PRKN: variants seen among roughly 807,000 people sequenced by gnomAD.
PRKN encodes parkin RBR E3 ubiquitin protein ligase, also known as E3 ubiquitin-protein ligase parkin.
In PRKN, 56 loss-of-function variants were observed where a neutral mutation model predicts 59.5. The observed-to-expected ratio is 0.94, with a 90% CI of 0.76 to 1.18. The LOEUF (loss-of-function observed/expected upper bound fraction) is 1.18, where lower values mean the gene tolerates loss of function less well. PRKN is among the 50% of genes most tolerant of loss of function. PRKN has a pLI of 0.00. For synonymous variants in PRKN, 250 were observed against 222.1 expected (o/e 1.13, Z -1.12); for missense variants, 657 against 596.4 (o/e 1.10, Z -1.06).
intron 4 of PRKN, among the ~76,000 whole-genome samples, chr6:162,148,616 A>ACAAACAAG (rs1782130031): frequency 6.6e-6 from 1 of 151,848 alleles, no homozygotes; most frequent in Non-Finnish European, 1.5e-5. Flanking sequence ...AAACAAACAA[A>ACAAACAAG]CAGTGACCAC....
intron 2 of PRKN, among the ~76,000 whole-genome samples, chr6:162,392,440 A>G (rs2128145384): frequency 6.6e-6 from 1 of 152,170 alleles, no homozygotes; most frequent in African/African-American, 2.4e-5. Context: ...GCCTGCTCTC[A>G]CTTGCCTTCC....
intron 6 of PRKN, among the ~76,000 whole-genome samples, chr6:161,965,642 G>T (rs572205580): frequency 6.6e-6 from 1 of 152,146 alleles, no homozygotes; most frequent in African/African-American, 2.4e-5. Flanking sequence ...GCACAGCTTG[G>T]TTTTATACAT....
Position 162,666,952 on chromosome 6 carries a change from C to T in PRKN, c.7+60710G>A, listed in dbSNP as rs531330359. ...CAGATGACGTATTCAAATGAGTTTA[C>T]AAAGTACTTAGGATTATGAATATAA... is the stretch of plus-strand genomic sequence containing the variant. On this transcript the variant is annotated intron_variant, in intron 1 of 11. Coordinates refer to ENST00000366898, the MANE Select transcript of PRKN (RefSeq NM_004562.3). Among the ~76,000 whole-genome samples, 11 of 152,126 alleles carry T rather than the reference C, an allele frequency of 7.2e-5. No individual in the cohort carries two copies. The South Asian group carries it at 1.9e-3, about 26-fold the overall frequency.
intron 6 of PRKN, among the ~76,000 whole-genome samples, chr6:161,927,676 T>TA (rs1215975867): frequency 6.6e-6 from 1 of 151,938 alleles, no homozygotes; most frequent in Non-Finnish European, 1.5e-5. Flanking sequence ...AAGTGGTTAC[T>TA]AAAAAATTAC....
In PRKN at chr6:161,592,629, C is replaced by CCCTAAGG. The variant is rs2128141157; in HGVS notation, c.872-23220_872-23214dup. On this transcript the variant is annotated intron_variant, in intron 7 of 11. Coordinates refer to ENST00000366898, the MANE Select transcript of PRKN (RefSeq NM_004562.3). This position sits in a 1 kb window ranked among gnomAD's most constrained non-coding sequence, Gnocchi z 4.8. ...AAGTACACAAACTAAAGAGAGAAAA[C>CCCTAAGG]CCTAAGGGCTATGGAGAAAGATGAA... 6.6e-6 allele frequency among the ~76,000 whole-genome samples: 1 copy of CCCTAAGG among 152,100 alleles called. No individual in the cohort carries two copies. Among genetic ancestry groups the CCCTAAGG allele is most frequent in the South Asian group, 2.1e-4 (1 of 4,818 alleles).
intron 9 of PRKN, among the ~76,000 whole-genome samples, chr6:161,415,494 G>C (rs1292152293): frequency 6.6e-6 from 1 of 151,692 alleles, no homozygotes; most frequent in Non-Finnish European, 1.5e-5. Flanking sequence ...ATAATCCTGC[G>C]GCAGAGTGAT....
In PRKN at chr6:161,502,334, A is replaced by G. The variant is rs977059207; in HGVS notation, c.1083+46520T>C. ...CAATAACAATATTTTCTCTAAGCTC[A>G]TGAACAATGTTTGGCTGTGCAGAAA... On this transcript the variant is annotated intron_variant, in intron 9 of 11. Transcript: ENST00000366898. The surrounding 1 kb of genome is among the most constrained non-coding windows in gnomAD (Gnocchi z 4.0). Among the ~76,000 whole-genome samples the G allele has an allele frequency of 2.0e-5, 3 of 152,194 alleles. No homozygotes were observed. Among genetic ancestry groups the G allele is most frequent in the African/African-American group, 7.2e-5 (3 of 41,450 alleles).
At chr6:162,441,439 T>C (rs1170847577) in intron 2 of PRKN, among the ~76,000 whole-genome samples, 1 of 152,178 alleles carries the variant, frequency 6.6e-6, no homozygotes, top group Non-Finnish European at 1.5e-5. Context: ...CTCAACTCAA[T>C]TCATCCAAGA....
intron 2 of PRKN, among the ~76,000 whole-genome samples, chr6:162,288,979 CTG>C (rs1179350743): frequency 6.6e-6 from 1 of 152,164 alleles, no homozygotes; most frequent in Non-Finnish European, 1.5e-5. Flanking sequence ...TTGTTGTGGT[CTG>C]TAGGGTTTTA....
At position 161,352,590 on chromosome 6, in the gene PRKN, A is replaced by G. The variant is rs1339960570; in HGVS notation, c.1286-2379T>C. Among the ~76,000 whole-genome samples the G allele has an allele frequency of 1.3e-5, 2 of 151,504 alleles. No individual in the cohort carries two copies. Among genetic ancestry groups the G allele is most frequent in the Non-Finnish European group, 2.9e-5 (2 of 67,888 alleles). ...ATTATTATATCATGTATCGTAAAAT[A>G]TATTCAATCAAAATTATTGAGCAAT... On this transcript the variant is annotated intron_variant, in intron 11 of 11. Transcript: ENST00000366898. This position sits in a 1 kb window ranked among gnomAD's most constrained non-coding sequence, Gnocchi z 5.8.
At chr6:162,198,804 G>C (rs2128329377) in intron 4 of PRKN, among the ~76,000 whole-genome samples, 1 of 152,146 alleles carries the variant, frequency 6.6e-6, no homozygotes, top group African/African-American at 2.4e-5. Context: ...TACTGTTCCT[G>C]AGGATTACGA....
chr6:162,562,915 A>C (rs1175087153), intron 1 of PRKN, among the ~76,000 whole-genome samples: 1 of 152,176 alleles, frequency 6.6e-6, no homozygotes, highest in African/African-American at 2.4e-5. Context: ...TGACTCAACA[A>C]AGTCATAGTG....
At chr6:162,707,885 T>C (rs906626493) in intron 1 of PRKN, among the ~76,000 whole-genome samples, 17 of 152,074 alleles carry the variant, frequency 1.1e-4, no homozygotes, top group African/African-American at 4.1e-4. Flanking sequence ...TGGCTAATAT[T>C]TGTATTTTTA....
In PRKN at chr6:162,079,608, A is replaced by T. The variant is rs149675576; in HGVS notation, c.535-25434T>A. Among the ~76,000 whole-genome samples the T allele has an allele frequency of 1.8e-4, 28 of 152,122 alleles. No individual in the cohort carries two copies. The East Asian group carries it at 5.2e-3, about 28-fold the overall frequency. On this transcript the variant is annotated intron_variant, in intron 4 of 11. Transcript: ENST00000366898. ...TCATGGTTCCCCCTTATTTCAGGACAGTTTATGCTCCCTGGTCCCTAACAC... is the reference window on the plus strand; with the variant it reads ...TCATGGTTCCCCCTTATTTCAGGACTGTTTATGCTCCCTGGTCCCTAACAC...
Position 162,140,122 on chromosome 6 carries a change from T to C in PRKN, c.534+61009A>G, listed in dbSNP as rs576995643. 7.9e-4 allele frequency among the ~76,000 whole-genome samples: 121 copies of C among 152,318 alleles called. 1 individual carries two copies. Among genetic ancestry groups the C allele is most frequent in the South Asian group, 2.7e-3 (13 of 4,826 alleles). ...AGAATTAGCTATTAGAATAAAAGCATTGTCCTTGATAATATGATTCTGAAC... is the reference window on the plus strand; with the variant it reads ...AGAATTAGCTATTAGAATAAAAGCACTGTCCTTGATAATATGATTCTGAAC... On this transcript the variant is annotated intron_variant, in intron 4 of 11. Coordinates refer to ENST00000366898, the MANE Select transcript of PRKN (RefSeq NM_004562.3).
At chr6:162,429,331 C>T (rs1789396760) in intron 2 of PRKN, among the ~76,000 whole-genome samples, 1 of 152,144 alleles carries the variant, frequency 6.6e-6, no homozygotes, top group African/African-American at 2.4e-5. Flanking sequence ...AATGCAGGCT[C>T]CACAAGAAAA....
At chr6:162,204,923 T>C (rs1241770393) in intron 3 of PRKN, among the ~76,000 whole-genome samples, 4 of 151,662 alleles carry the variant, frequency 2.6e-5, no homozygotes, top group Non-Finnish European at 5.9e-5. Flanking sequence ...AGTGGAATGG[T>C]ACAATCTCGG....
intron 7 of PRKN, among the ~76,000 whole-genome samples, chr6:161,777,807 T>TACAC: frequency 2.1e-5 from 3 of 142,672 alleles, no homozygotes; most frequent in African/African-American, 8.1e-5. Context: ...TATGTATATA[T>TACAC]GTATATATGT....
chr6:162,182,880 T>C (rs570782088), intron 4 of PRKN, among the ~76,000 whole-genome samples: 59 of 152,258 alleles, frequency 3.9e-4, no homozygotes, highest in Non-Finnish European at 5.9e-4. Context: ...ATTGTATTAT[T>C]TGAAACGTTC....
Sources: allele counts gnomAD v4.1 joint callset (sites outside exome capture counted in the v4.1 genomes callset), GRCh38; gene constraint gnomAD v4.1.1; non-coding constraint Gnocchi (gnomAD v3.1); transcripts MANE v1.5; gene names NCBI Gene and HGNC (gene_info 2026-07-23, HGNC 2026-07-21).